Variants in TCAIM observed in about 807,000 individuals in gnomAD.
TCAIM encodes the protein T-cell activation inhibitor, mitochondrial.
Under a neutral mutation model 58.6 loss-of-function variants are expected in TCAIM, and 36 were observed. That is an observed-to-expected ratio of 0.61 (90% CI 0.47 to 0.81). The LOEUF (loss-of-function observed/expected upper bound fraction) is 0.81. Among genes scored for constraint, TCAIM ranks in the 30% least tolerant of loss-of-function variants. TCAIM has a pLI of 0.00. For synonymous variants in TCAIM, 172 were observed against 193.6 expected (o/e 0.89, Z 0.93); for missense variants, 466 against 579.6 (o/e 0.80, Z 2.01).
At chr3:44,360,418 C>T (rs1171246088) in intron 3 of TCAIM, among the ~76,000 whole-genome samples, 2 of 151,968 alleles carry the variant, frequency 1.3e-5, no homozygotes, top group Middle Eastern at 3.4e-3. Flanking sequence ...TCCAGGGTTT[C>T]CCAGTGATGC....
At position 44,407,829 on chromosome 3, in the gene TCAIM, A is replaced by T. The variant is rs994835097; in HGVS notation, c.*147A>T. 1.1e-6 allele frequency: 1 copy of T among 925,932 alleles called. No homozygotes were observed. The highest frequency in any genetic ancestry group is 1.7e-5 in the African/African-American group (1 of 58,376). 57.4% of individuals were successfully genotyped at this position (925,932 alleles called of 1,614,324 possible). A position where few individuals can be genotyped will look rare whatever the true frequency, so the allele number is the denominator to read the frequency against. On this transcript the variant is annotated 3_prime_UTR_variant, in exon 11 of 11. Transcript: ENST00000342649. ...AAAAGTAGACTTTTTTAAAAAAATTAATTTCTGCTAGGAGAGGTTTTATAT... is the reference window on the plus strand; with the variant it reads ...AAAAGTAGACTTTTTTAAAAAAATTTATTTCTGCTAGGAGAGGTTTTATAT...
At chr3:44,393,075 T>C (rs747179883) in intron 6 of TCAIM, 98 bp downstream of exon 6, 53 of 1,007,620 alleles carry the variant, frequency 5.3e-5, no homozygotes, top group Non-Finnish European at 7.7e-5. Flanking sequence ...CTTTAATTGC[T>C]CTGATAACTG....
chr3:44,352,182 G>A (rs1575240109), intron 1 of TCAIM, among the ~76,000 whole-genome samples: 1 of 151,586 alleles, frequency 6.6e-6, no homozygotes, highest in African/African-American at 2.4e-5. Flanking sequence ...GAGAGAACGT[G>A]CTACTCAGCA....
intron 5 of TCAIM, among the ~76,000 whole-genome samples, chr3:44,391,035 G>T (rs117603372): frequency 6.6e-6 from 1 of 152,124 alleles, no homozygotes; most frequent in East Asian, 1.9e-4. Flanking sequence ...ACTTCCCTTG[G>T]GTAGCCAGTG....
chr3:44,398,951 T>TAACA lies in TCAIM; in HGVS notation c.886-1403_886-1400dup, dbSNP rs146903202. Among the ~76,000 whole-genome samples, 408 of 152,278 alleles carry TAACA rather than the reference T, an allele frequency of 2.7e-3. 1 individual carries two copies. The highest frequency in any genetic ancestry group is 8.3e-3 in the African/African-American group (345 of 41,546). ...TACAAACTGTATGATTATATTTACA[T>TAACA]AACACCCTTGAAATAATAAAATGAT... On this transcript the variant is annotated intron_variant, in intron 8 of 10. Transcript: ENST00000342649.
intron 1 of TCAIM, among the ~76,000 whole-genome samples, chr3:44,353,404 T>C (rs187232201): frequency 2.6e-5 from 4 of 152,358 alleles, no homozygotes; most frequent in Admixed American, 1.3e-4. Flanking sequence ...CTAGTTGTTG[T>C]GTGGACATAG....
chr3:44,362,730 G>A lies in TCAIM; in HGVS notation c.319+1212G>A. 3 of 263,416 alleles carry A rather than the reference G, an allele frequency of 1.1e-5. No homozygotes were observed. The East Asian group carries it at 1.9e-4, about 17-fold the overall frequency. 16.3% of individuals were successfully genotyped at this position (263,416 alleles called of 1,614,324 possible). On this transcript the variant is annotated intron_variant, in intron 4 of 10. Coordinates refer to ENST00000342649, the MANE Select transcript of TCAIM (RefSeq NM_173826.4). The stretch of plus-strand genomic sequence containing the variant: ...GAATGCTGTAAATAATGAATAATAA[G>A]CATGTTGATCACTCTAAGTGACACA...
chr3:44,358,537 A>G, intron 3 of TCAIM: 1 of 405,780 alleles, frequency 2.5e-6, no homozygotes, highest in Non-Finnish European at 4.3e-6. Flanking sequence ...CAGGATAACA[A>G]CTACTTACAT....
intron 5 of TCAIM, among the ~76,000 whole-genome samples, chr3:44,371,747 C>G (rs1416288823): frequency 6.6e-6 from 1 of 152,120 alleles, no homozygotes; most frequent in Non-Finnish European, 1.5e-5. Flanking sequence ...TTGAAGGAAC[C>G]TCTGCTGAGG....
At chr3:44,384,711 A>G (rs576741239) in intron 5 of TCAIM, among the ~76,000 whole-genome samples, 3 of 152,270 alleles carry the variant, frequency 2.0e-5, no homozygotes, top group African/African-American at 7.2e-5. Context: ...TGCCACATTC[A>G]TTTTTCTCTA....
chr3:44,388,576 T>C (rs1341433330), intron 5 of TCAIM, among the ~76,000 whole-genome samples: 1 of 152,250 alleles, frequency 6.6e-6, no homozygotes, highest in Non-Finnish European at 1.5e-5. Flanking sequence ...ATGATTTTTT[T>C]TCCTTTAATT....
At chr3:44,395,490 T>G (rs1313914294) in intron 6 of TCAIM, among the ~76,000 whole-genome samples, 1 of 152,160 alleles carries the variant, frequency 6.6e-6, no homozygotes, top group Non-Finnish European at 1.5e-5. Flanking sequence ...TTGTTCAAGG[T>G]CACAGAGCTA....
At chr3:44,370,197 T>G (rs1016459642) in intron 5 of TCAIM, among the ~76,000 whole-genome samples, 9 of 151,852 alleles carry the variant, frequency 5.9e-5, no homozygotes, top group African/African-American at 2.2e-4. Flanking sequence ...CCTTTAAGAG[T>G]ATAGCAACAT....
At chr3:44,358,425 A>C in intron 3 of TCAIM, 1 of 594,390 alleles carries the variant, frequency 1.7e-6, no homozygotes, top group South Asian at 2.1e-5. Context: ...TTTTACATCC[A>C]TGGATTCAAC....
At chr3:44,376,020 C>G (rs985792936) in intron 5 of TCAIM, among the ~76,000 whole-genome samples, 1 of 152,214 alleles carries the variant, frequency 6.6e-6, no homozygotes, top group Non-Finnish European at 1.5e-5. Flanking sequence ...CTGATACTTA[C>G]TACGACATGG....
intron 5 of TCAIM, among the ~76,000 whole-genome samples, chr3:44,369,467 G>A (rs1292804240): frequency 1.3e-5 from 2 of 152,132 alleles, no homozygotes; most frequent in East Asian, 1.9e-4. Flanking sequence ...TGAGTATTTC[G>A]TAGAACACAG....
chr3:44,386,434 G>A (rs184722417), intron 5 of TCAIM, among the ~76,000 whole-genome samples: 21 of 152,292 alleles, frequency 1.4e-4, no homozygotes, highest in South Asian at 4.1e-4. Flanking sequence ...TGTGGGCTGG[G>A]AACAGGCAGG....
chr3:44,406,477 C>G (rs1702102107), intron 10 of TCAIM, among the ~76,000 whole-genome samples: 1 of 29,274 alleles, frequency 3.4e-5, no homozygotes, highest in African/African-American at 7.5e-5. Flanking sequence ...AATCTCTAAG[C>G]AGCATATTCT....
At chr3:44,344,023 C>CTTT (rs5848695) in intron 1 of TCAIM, among the ~76,000 whole-genome samples, 43 of 118,336 alleles carry the variant, frequency 3.6e-4, no homozygotes, top group Non-Finnish European at 4.4e-4. Flanking sequence ...GATGGAAATG[C>CTTT]TTTTTTTTTT....
Sources: allele counts gnomAD v4.1 joint callset (sites outside exome capture counted in the v4.1 genomes callset), GRCh38; gene constraint gnomAD v4.1.1; transcripts MANE v1.5; gene names NCBI Gene and HGNC (gene_info 2026-07-23, HGNC 2026-07-21).